PTK2: variants seen among roughly 807,000 people sequenced by gnomAD.
PTK2 encodes the protein focal adhesion kinase 1.
A neutral mutation model predicts 150.1 loss-of-function variants in PTK2; 45 were observed. That is an observed-to-expected ratio of 0.30 (90% CI 0.24 to 0.38). The LOEUF (loss-of-function observed/expected upper bound fraction) is 0.38, where lower values mean the gene tolerates loss of function less well. Among genes scored for constraint, PTK2 ranks in the 10% least tolerant of loss-of-function variants. The probability of loss-of-function intolerance (pLI) is 1.00; values close to 1 mark genes in which losing one functional copy is unlikely to be tolerated. For missense variants in PTK2, 919 were observed against 1,307.3 expected (o/e 0.70, Z 4.58); for synonymous variants, 432 against 449.2 (o/e 0.96, Z 0.48).
chr8:140,972,142 T>A (rs1252458843), intron 1 of PTK2, among the ~76,000 whole-genome samples: 1 of 152,106 alleles, frequency 6.6e-6, no homozygotes. Context: ...TAGCAAACAC[T>A]AAGTTCAAAC....
upstream of PTK2, chr8:141,001,501 T>G (rs2100200250): frequency 6.6e-6 from 1 of 152,120 alleles, no homozygotes. Context: ...GGCCCGAGGC[T>G]GCGCGCGGGC....
chr8:140,932,064 C>T (rs1325128769), intron 1 of PTK2, among the ~76,000 whole-genome samples: 1 of 151,820 alleles, frequency 6.6e-6, no homozygotes, highest in African/African-American at 2.4e-5. Context: ...TCCAAAGATC[C>T]ATTTCCACAT....
chr8:140,738,664 T>C (rs1252656129), intron 21 of PTK2, among the ~76,000 whole-genome samples: 4 of 152,038 alleles, frequency 2.6e-5, no homozygotes, highest in Admixed American at 6.5e-5. Context: ...TTTAATGTCA[T>C]TCATATGAAA....
intron 1 of PTK2, chr8:140,984,012 G>C (rs565735000): frequency 1.3e-5 from 2 of 152,172 alleles, no homozygotes; most frequent in African/African-American, 4.8e-5. Context: ...AATATCAGCC[G>C]GGTGTGGTGG....
chr8:140,849,792 G>T (rs73714770), intron 5 of PTK2, among the ~76,000 whole-genome samples: 3,373 of 152,272 alleles, frequency 0.022, 132 homozygotes, highest in African/African-American at 0.078. Flanking sequence ...TATATATAAA[G>T]ATCAGAAAAC....
intron 1 of PTK2, among the ~76,000 whole-genome samples, chr8:140,968,249 G>A (rs571781667): frequency 1.1e-4 from 17 of 152,232 alleles, no homozygotes; most frequent in Admixed American, 7.2e-4. Context: ...CATAGCAAAT[G>A]ACGAATATAA....
intron 14 of PTK2, among the ~76,000 whole-genome samples, chr8:140,775,944 A>G (rs540568786): frequency 6.6e-6 from 1 of 152,350 alleles, no homozygotes; most frequent in Admixed American, 6.5e-5. Flanking sequence ...AACCACTAAA[A>G]TATTATCTTC....
chr8:140,990,646 T>C (rs1485778041), intron 1 of PTK2, among the ~76,000 whole-genome samples: 2 of 152,208 alleles, frequency 1.3e-5, no homozygotes, highest in Admixed American at 6.5e-5. Flanking sequence ...AAGATCACAG[T>C]AGGAAATTCA....
At chr8:140,867,382 A>G (rs1464528908) in intron 4 of PTK2, among the ~76,000 whole-genome samples, 1 of 152,200 alleles carries the variant, frequency 6.6e-6, no homozygotes, top group African/African-American at 2.4e-5. Context: ...CCTAGATCCC[A>G]CAGCTATTTA....
chr8:140,781,501 T>C (rs1204053484), intron 14 of PTK2, among the ~76,000 whole-genome samples: 1 of 152,196 alleles, frequency 6.6e-6, no homozygotes, highest in Non-Finnish European at 1.5e-5. Context: ...AAGATGGGAA[T>C]ACTCTCTTCT....
intron 12 of PTK2, among the ~76,000 whole-genome samples, chr8:140,798,951 T>A (rs1259210595): frequency 2.6e-5 from 4 of 152,148 alleles, no homozygotes; most frequent in Non-Finnish European, 4.4e-5. Context: ...ACTGTAGAGA[T>A]TTCTGAAAGC....
intron 4 of PTK2, among the ~76,000 whole-genome samples, chr8:140,878,486 G>T (rs1294829919): frequency 6.6e-6 from 1 of 152,046 alleles, no homozygotes; most frequent in Non-Finnish European, 1.5e-5. Flanking sequence ...TACAGTCCCA[G>T]CTACTCAAGA....
At chr8:140,910,140 G>A (rs552654844) in intron 2 of PTK2, among the ~76,000 whole-genome samples, 2 of 152,226 alleles carry the variant, frequency 1.3e-5, no homozygotes, top group East Asian at 3.9e-4. Context: ...TTACAAAACA[G>A]TAAGATTTTC....
At chr8:140,848,829 T>C (rs1168986255) in intron 5 of PTK2, among the ~76,000 whole-genome samples, 3 of 152,162 alleles carry the variant, frequency 2.0e-5, no homozygotes, top group Non-Finnish European at 2.9e-5. Context: ...GATGGAAACA[T>C]TCAGTGGCTT....
intron 2 of PTK2, among the ~76,000 whole-genome samples, chr8:140,899,555 A>G (rs1468854461): frequency 2.0e-5 from 3 of 152,210 alleles, no homozygotes; most frequent in African/African-American, 7.2e-5. Context: ...AAACTCTTCT[A>G]CTCAAAAATA....
chr8:140,831,938 A>C (rs13438891), intron 7 of PTK2, among the ~76,000 whole-genome samples: 3,702 of 152,326 alleles, frequency 0.024, 160 homozygotes, highest in African/African-American at 0.086. Flanking sequence ...GAAAAGTAGC[A>C]AAATTAGTAC....
chr8:140,938,015 T>C (rs1344202814), intron 1 of PTK2, among the ~76,000 whole-genome samples: 1 of 152,242 alleles, frequency 6.6e-6, no homozygotes, highest in African/African-American at 2.4e-5. Context: ...TCAAACTTAG[T>C]TGATCTCTAC....
intron 10 of PTK2, among the ~76,000 whole-genome samples, chr8:140,814,251 C>T (rs1477827622): frequency 6.6e-6 from 1 of 152,152 alleles, no homozygotes; most frequent in East Asian, 1.9e-4. Context: ...ACCATTCTTA[C>T]TAAAACTATT....
intron 2 of PTK2, among the ~76,000 whole-genome samples, chr8:140,908,372 G>C (rs912272175): frequency 6.6e-6 from 1 of 152,252 alleles, no homozygotes; most frequent in Non-Finnish European, 1.5e-5. Flanking sequence ...AGATGAAGCA[G>C]CAAGTGCTGG....
Sources: gnomAD v4.1 joint callset for allele counts (sites outside exome capture counted in the v4.1 genomes callset) on GRCh38, gnomAD v4.1.1 for gene constraint, MANE v1.5 for transcripts, NCBI Gene and HGNC (gene_info 2026-07-23, HGNC 2026-07-21) for gene names.